The following BNC2 variants were observed in gnomAD, a reference collection of about 807,000 sequenced individuals.
BNC2 encodes zinc finger protein basonuclin-2.
In BNC2, 20 loss-of-function variants were observed where a neutral mutation model predicts 76.3. That is an observed-to-expected ratio of 0.26 (90% CI 0.18 to 0.38). BNC2 has a LOEUF of 0.38. Among genes scored for constraint, BNC2 ranks in the 10% least tolerant of loss-of-function variants. BNC2 has a pLI of 1.00. For missense variants in BNC2, 1,382 were observed against 1,399.8 expected, an observed-to-expected ratio of 0.99 and a Z score of 0.20; for synonymous variants, 582 against 514.8, an observed-to-expected ratio of 1.13 and a Z score of -1.77.
Position 16,796,676 on chromosome 9 carries a change from AAAAG to A in BNC2, c.4-58195_4-58192del, listed in dbSNP as rs374631735. Among the ~76,000 whole-genome samples, 108 of 152,190 alleles carry A rather than the reference AAAAG, an allele frequency of 7.1e-4. 1 individual carries two copies. The highest frequency in any genetic ancestry group is 6.0e-3 in the East Asian group (31 of 5,184). ...GAAAAAAAAAGAAAGAAAAGAAGAGAAAAGAAAGAAAGAAAGAAATCCTTATTCC... is the reference window on the plus strand; with the variant it reads ...GAAAAAAAAAGAAAGAAAAGAAGAGAAAAGAAAGAAAGAAATCCTTATTCC... On this transcript the variant is annotated intron_variant, in intron 1 of 6. Coordinates refer to ENST00000380672, the MANE Select transcript of BNC2 (RefSeq NM_017637.6).
At chr9:16,633,487 G>A (rs951118136) in intron 3 of BNC2, among the ~76,000 whole-genome samples, 3 of 152,064 alleles carry the variant, frequency 2.0e-5, no homozygotes, top group African/African-American at 4.8e-5. Context: ...ATTTCTAACC[G>A]TGAAAATTCT....
chr9:16,790,231 T>G (rs1006496341), intron 1 of BNC2, among the ~76,000 whole-genome samples: 6 of 152,190 alleles, frequency 3.9e-5, no homozygotes, highest in Admixed American at 3.9e-4. Flanking sequence ...TCTACTGACC[T>G]CGTGATCCGC....
At chr9:16,865,874 T>C (rs765408966) in intron 1 of BNC2, among the ~76,000 whole-genome samples, 5 of 152,134 alleles carry the variant, frequency 3.3e-5, no homozygotes, top group Non-Finnish European at 5.9e-5. Flanking sequence ...AGAATATATT[T>C]CAAAACAAGG....
intron 3 of BNC2, among the ~76,000 whole-genome samples, chr9:16,596,826 T>A (rs1040648741): frequency 1.3e-5 from 2 of 152,256 alleles, no homozygotes; most frequent in Middle Eastern, 3.4e-3. Context: ...ATTAATTTTT[T>A]AAAAAATAAG....
At chr9:16,517,321 T>C (rs947904105) in intron 5 of BNC2, among the ~76,000 whole-genome samples, 1 of 152,168 alleles carries the variant, frequency 6.6e-6, no homozygotes, top group Non-Finnish European at 1.5e-5. Flanking sequence ...TAAATGTTAG[T>C]CAATCTTAAC....
intron 3 of BNC2, among the ~76,000 whole-genome samples, chr9:16,619,299 C>CT (rs1820798660): frequency 6.6e-6 from 1 of 151,522 alleles, no homozygotes. Flanking sequence ...CAACATAATG[C>CT]TTTAGAAAAA....
intron 3 of BNC2, among the ~76,000 whole-genome samples, chr9:16,588,847 T>G (rs1819841775): frequency 6.6e-6 from 1 of 152,212 alleles, no homozygotes; most frequent in African/African-American, 2.4e-5. Context: ...ATCATATTTC[T>G]CAGGAAAGCA....
At chr9:16,459,680 A>G (rs1050721894) in intron 5 of BNC2, among the ~76,000 whole-genome samples, 1 of 152,212 alleles carries the variant, frequency 6.6e-6, no homozygotes, top group African/African-American at 2.4e-5. Flanking sequence ...ACTGCCATAC[A>G]GTGAAGACGG....
chr9:16,669,089 G>A (rs1822391741), intron 3 of BNC2, among the ~76,000 whole-genome samples: 1 of 152,136 alleles, frequency 6.6e-6, no homozygotes, highest in Non-Finnish European at 1.5e-5. Context: ...GGGGACTGAG[G>A]AAGACTTACT....
intron 1 of BNC2, among the ~76,000 whole-genome samples, chr9:16,760,763 G>A (rs1825530123): frequency 6.6e-6 from 1 of 152,110 alleles, no homozygotes; most frequent in African/African-American, 2.4e-5. Context: ...GGTGGCAAGG[G>A]AAATTAATTT....
chr9:16,421,353 A>AAG, intron 6 of BNC2: 7 of 1,127,632 alleles, frequency 6.2e-6, no homozygotes, highest in Non-Finnish European at 8.3e-6. Context: ...AAGAAAGAGA[A>AAG]AGAGAGAGAG....
chr9:16,610,135 A>G (rs557480857), intron 3 of BNC2, among the ~76,000 whole-genome samples: 15 of 27,816 alleles, frequency 5.4e-4, no homozygotes, highest in African/African-American at 9.7e-4. Context: ...GGAAGGGAAA[A>G]GGGGTGGCAA....
At chr9:16,559,259 A>C (rs1435831182) in intron 4 of BNC2, among the ~76,000 whole-genome samples, 1 of 149,954 alleles carries the variant, frequency 6.7e-6, no homozygotes, top group Admixed American at 6.6e-5. Context: ...AAACTTTCTT[A>C]AATGAGATTT....
intron 1 of BNC2, among the ~76,000 whole-genome samples, chr9:16,785,173 A>G (rs983848791): frequency 6.6e-6 from 1 of 152,216 alleles, no homozygotes; most frequent in East Asian, 1.9e-4. Context: ...GGCGAGGTTA[A>G]TATGTGTCCA....
At chr9:16,555,328 T>G (rs1340669290) in intron 4 of BNC2, among the ~76,000 whole-genome samples, 1 of 151,904 alleles carries the variant, frequency 6.6e-6, no homozygotes, top group African/African-American at 2.4e-5. Flanking sequence ...CGGCCAAGGT[T>G]GGTTGTTTTA....
At chr9:16,681,498 T>C (rs1014185355) in intron 3 of BNC2, among the ~76,000 whole-genome samples, 8 of 152,120 alleles carry the variant, frequency 5.3e-5, no homozygotes, top group Non-Finnish European at 1.2e-4. Context: ...CATCTGGCAA[T>C]CATTTGTCAA....
At chr9:16,654,066 T>C (rs1003773822) in intron 3 of BNC2, among the ~76,000 whole-genome samples, 3 of 152,208 alleles carry the variant, frequency 2.0e-5, no homozygotes. Context: ...CAGAGTGATC[T>C]GGGCTTTAAC....
intron 1 of BNC2, among the ~76,000 whole-genome samples, chr9:16,868,436 GA>G (rs1292408854): frequency 6.6e-6 from 1 of 152,074 alleles, no homozygotes; most frequent in African/African-American, 2.4e-5. Context: ...TCAAATAGAA[GA>G]AAAAATCAGG....
intron 1 of BNC2, among the ~76,000 whole-genome samples, chr9:16,825,975 C>CA (rs1427598468): frequency 6.6e-6 from 1 of 151,908 alleles, no homozygotes; most frequent in Non-Finnish European, 1.5e-5. Context: ...TTTCAAAGTT[C>CA]AGGGCAGGTG....
Sources: gnomAD v4.1 joint callset for allele counts (sites outside exome capture counted in the v4.1 genomes callset) on GRCh38, gnomAD v4.1.1 for gene constraint, MANE v1.5 for transcripts, NCBI Gene and HGNC (gene_info 2026-07-23, HGNC 2026-07-21) for gene names.